The following FGF14 variants were observed in gnomAD, a reference collection of about 807,000 sequenced individuals.
The protein encoded by FGF14 is fibroblast growth factor homologous factor 4.
FGF14 carries 5 observed loss-of-function variants against 25.5 expected under a neutral mutation model. That is an observed-to-expected ratio of 0.20 (90% CI 0.10 to 0.41). FGF14 has a LOEUF of 0.41. Ranked by LOEUF, FGF14 falls within the 10% of genes least tolerant of loss-of-function variation. The probability of loss-of-function intolerance (pLI) is 1.00; values close to 1 mark genes in which losing one functional copy is unlikely to be tolerated. For synonymous variants in FGF14, 138 were observed against 118.3 expected (o/e 1.17, Z -1.08); for missense variants, 222 against 320.1 (o/e 0.69, Z 2.34).
Position 101,720,574 on chromosome 13 carries a change from GTGTT to G in FGF14, c.*2253_*2256del, listed in dbSNP as rs1566810203. ...TGTGTGTGTGTGTGTGTATATGTGT[GTGTT>G]TGTGTGAAGTGAAGTGTTGCTGCTG... is the stretch of plus-strand genomic sequence containing the variant. On this transcript the variant is annotated 3_prime_UTR_variant, in exon 5 of 5. Coordinates refer to ENST00000376143, the MANE Select transcript of FGF14 (RefSeq NM_004115.4). 2 of 150,606 alleles carry G rather than the reference GTGTT, an allele frequency of 1.3e-5. No homozygotes were observed. Among genetic ancestry groups the G allele is most frequent in the South Asian group, 2.1e-4 (1 of 4,810 alleles). The allele number at this position is 150,606 out of a possible 1,614,324, so 9.3% of individuals were successfully genotyped here.
chr13:101,995,503 ATACT>A (rs1364076088), intron 1 of FGF14, among the ~76,000 whole-genome samples: 6 of 152,176 alleles, frequency 3.9e-5, no homozygotes, highest in Admixed American at 1.3e-4. Flanking sequence ...TCAACTTCTA[ATACT>A]TAATTCAGTT....
intron 1 of FGF14, among the ~76,000 whole-genome samples, chr13:102,210,615 G>C (rs1467835303): frequency 6.6e-6 from 1 of 152,106 alleles, no homozygotes; most frequent in Non-Finnish European, 1.5e-5. Flanking sequence ...CCAACTCTTA[G>C]CTACTTATTG....
At chr13:101,918,493 G>C (rs1195984085), upstream of FGF14, among the ~76,000 whole-genome samples, 6 of 152,192 alleles carry the variant, frequency 3.9e-5, no homozygotes, top group Admixed American at 3.9e-4. Context: ...CTGCTTTAGA[G>C]CTGGAAAGAG....
Position 102,377,763 on chromosome 13 carries a change from G to A in FGF14, c.208+23708C>T, listed in dbSNP as rs993881095. On this transcript the variant is annotated intron_variant, in intron 1 of 4. Transcript: ENST00000376131. Reference sequence around the variant, plus strand: ...GCAGAGGTTGCAGTGAGCTGAAATCGTGCCATTGCATTCCAGCCTGGGCAA... The same window carrying A: ...GCAGAGGTTGCAGTGAGCTGAAATCATGCCATTGCATTCCAGCCTGGGCAA... 9.9e-5 allele frequency among the ~76,000 whole-genome samples: 15 copies of A among 152,278 alleles called. No individual in the cohort carries two copies. The East Asian group carries it at 1.5e-3, about 16-fold the overall frequency.
chr13:102,392,301 T>G (rs1400931490), intron 1 of FGF14, among the ~76,000 whole-genome samples: 1 of 152,254 alleles, frequency 6.6e-6, no homozygotes, highest in Admixed American at 6.5e-5. Context: ...TCTGAAAACT[T>G]GGCTTTTAAT....
At chr13:102,139,533 A>AATGTGTCCCCATTCATCGCCTC (rs2046548841) in intron 1 of FGF14, among the ~76,000 whole-genome samples, 1 of 152,162 alleles carries the variant, frequency 6.6e-6, no homozygotes, top group Non-Finnish European at 1.5e-5. Context: ...TAATCCAAAG[A>AATGTGTCCCCATTCATCGCCTC]ATGTGTCCCC....
intron 1 of FGF14, among the ~76,000 whole-genome samples, chr13:101,981,124 C>CACACACACACAT (rs1566528332): frequency 1.4e-5 from 2 of 147,994 alleles, no homozygotes; most frequent in African/African-American, 5.2e-5. Flanking sequence ...CACACACACA[C>CACACACACACAT]ACACAATTAG....
chr13:102,203,190 G>A (rs1019180266), intron 1 of FGF14, among the ~76,000 whole-genome samples: 2 of 152,152 alleles, frequency 1.3e-5, no homozygotes, highest in Non-Finnish European at 2.9e-5. Flanking sequence ...TCTTAATTAT[G>A]TTTTATGTAA....
chr13:101,759,329 G>C (rs2037859975), intron 3 of FGF14, among the ~76,000 whole-genome samples: 1 of 152,188 alleles, frequency 6.6e-6, no homozygotes, highest in African/African-American at 2.4e-5. Context: ...AACCTGGGAT[G>C]GAGTAGAGAA....
At chr13:102,101,256 A>T (rs537188272) in intron 1 of FGF14, among the ~76,000 whole-genome samples, 1 of 152,302 alleles carries the variant, frequency 6.6e-6, no homozygotes, top group East Asian at 1.9e-4. Context: ...TCTAGCAATG[A>T]CCTTTTATTC....
intron 1 of FGF14, among the ~76,000 whole-genome samples, chr13:101,876,250 A>G (rs1046284108): frequency 1.3e-5 from 2 of 152,208 alleles, no homozygotes; most frequent in Non-Finnish European, 2.9e-5. Flanking sequence ...TGCAAAAGCC[A>G]TCCCCATCTC....
intron 1 of FGF14, among the ~76,000 whole-genome samples, chr13:102,199,433 T>C (rs2049512195): frequency 6.6e-6 from 1 of 152,208 alleles, no homozygotes; most frequent in African/African-American, 2.4e-5. Flanking sequence ...ATTATTTGTC[T>C]TCAGAACAAC....
intron 1 of FGF14, among the ~76,000 whole-genome samples, chr13:102,351,895 A>G (rs190183001): frequency 8.5e-5 from 13 of 152,342 alleles, no homozygotes; most frequent in South Asian, 2.1e-4. Flanking sequence ...GTAAGTCACT[A>G]AATCCAGCCC....
intron 3 of FGF14, among the ~76,000 whole-genome samples, chr13:101,744,103 T>C (rs531137697): frequency 1.0e-3 from 153 of 152,286 alleles, no homozygotes; most frequent in African/African-American, 3.6e-3. Context: ...CAGTAACATT[T>C]GCAACCTTTG....
intron 3 of FGF14, among the ~76,000 whole-genome samples, chr13:101,845,719 T>C (rs1432307640): frequency 1.3e-5 from 2 of 152,024 alleles, no homozygotes; most frequent in African/African-American, 2.4e-5. Context: ...TGAGGTACTG[T>C]AACATGCTAG....
intron 1 of FGF14, among the ~76,000 whole-genome samples, chr13:102,152,863 T>C (rs2140511857): frequency 6.6e-6 from 1 of 152,328 alleles, no homozygotes; most frequent in East Asian, 1.9e-4. Flanking sequence ...CTGCTGAACA[T>C]TTAATTTTAA....
chr13:101,843,414 G>T (rs1382573037), intron 3 of FGF14, among the ~76,000 whole-genome samples: 3 of 151,944 alleles, frequency 2.0e-5, no homozygotes, highest in East Asian at 1.9e-4. Context: ...GTCTGACAGT[G>T]GGGGGCAGGC....
intron 1 of FGF14, among the ~76,000 whole-genome samples, chr13:101,974,142 GA>G (rs777952801): frequency 2.0e-5 from 3 of 152,172 alleles, no homozygotes; most frequent in Non-Finnish European, 4.4e-5. Context: ...TCCATATCTA[GA>G]AATAGGGAAT....
intron 1 of FGF14, among the ~76,000 whole-genome samples, chr13:102,220,283 T>G (rs534760826): frequency 2.6e-5 from 4 of 152,250 alleles, no homozygotes; most frequent in Admixed American, 2.6e-4. Context: ...ATTTTTCATT[T>G]AAGAATGGAA....
Sources: allele counts gnomAD v4.1 joint callset (sites outside exome capture counted in the v4.1 genomes callset), GRCh38; gene constraint gnomAD v4.1.1; transcripts MANE v1.5; gene names NCBI Gene and HGNC (gene_info 2026-07-23, HGNC 2026-07-21).